COL9A3: variants seen among roughly 807,000 people sequenced by gnomAD.
COL9A3 encodes the protein collagen alpha-3(IX) chain.
COL9A3 carries 82 observed loss-of-function variants against 110.2 expected under a neutral mutation model. The ratio of observed to expected loss-of-function variants is 0.74; its 90% CI spans 0.62 to 0.89. COL9A3 has a LOEUF of 0.89. Among genes scored for constraint, COL9A3 ranks in the 40% least tolerant of loss-of-function variants. COL9A3 has a pLI of 0.00. For missense variants in COL9A3, 1,066 were observed against 981.3 expected, an observed-to-expected ratio of 1.09 and a Z score of -1.15; for synonymous variants, 494 against 403.8, an observed-to-expected ratio of 1.22 and a Z score of -2.68.
intron 2 of COL9A3, chr20:62,817,982 T>A (rs1990991458): frequency 2.5e-6 from 1 of 394,656 alleles, no homozygotes; most frequent in African/African-American, 2.1e-5. Context: ...GGGGGTCTTG[T>A]TGGAGGCTGC....
At position 62,825,805 on chromosome 20, in the gene COL9A3, C is replaced by T. The variant is rs1450589149; in HGVS notation, c.631-12C>T. ...GACTGGGCCGCTGACCACCCTATCC[C>T]CTCTGTTTCAGGGTGACCCTGGCCC... is the stretch of plus-strand genomic sequence containing the variant. On this transcript the variant is annotated splice_polypyrimidine_tract_variant and intron_variant, in intron 12 of 31. Transcript: ENST00000649368. 3 of 1,552,558 alleles carry T rather than the reference C, an allele frequency of 1.9e-6. No individual in the cohort carries two copies. Among genetic ancestry groups the T allele is most frequent in the Admixed American group, 2.0e-5 (1 of 51,232 alleles).
chr20:62,822,950 G>A (rs2063523179), intron 10 of COL9A3, among the ~76,000 whole-genome samples: 1 of 152,250 alleles, frequency 6.6e-6, no homozygotes, highest in South Asian at 2.1e-4. Flanking sequence ...TGCGTCATCC[G>A]CAGAGGGCGC....
chr20:62,829,053 G>A, intron 19 of COL9A3, 77 bp downstream of exon 19: 5 of 1,492,966 alleles, frequency 3.3e-6, no homozygotes, highest in Non-Finnish European at 4.5e-6. Context: ...GGGCTGGGTG[G>A]GTTGGTCACT....
At chr20:62,837,311 C>T (rs768879871) in intron 30 of COL9A3, 46 bp downstream of exon 30, 8 of 1,583,290 alleles carry the variant, frequency 5.1e-6, no homozygotes, top group African/African-American at 1.3e-5. Flanking sequence ...GTAAAAATCC[C>T]TGAGACTGAC....
At chr20:62,824,534 C>G in intron 11 of COL9A3, 33 bp downstream of exon 11, 1 of 1,562,414 alleles carries the variant, frequency 6.4e-7, no homozygotes, top group Non-Finnish European at 8.7e-7. Flanking sequence ...CCAAGCACCA[C>G]CCTGTGCTGG....
chr20:62,821,635 CA>C lies in COL9A3; in HGVS notation c.369+106del, dbSNP rs1193347532. On this transcript the variant is annotated intron_variant, in intron 7 of 31. Transcript: ENST00000649368. ...GCCTGGGGGTGGGGCTTCTCAGGGGCAGCCATCTGACCACCCCATACTTGGA... is the reference window on the plus strand; with the variant it reads ...GCCTGGGGGTGGGGCTTCTCAGGGGCGCCATCTGACCACCCCATACTTGGA... The C allele has an allele frequency of 1.9e-5, 29 of 1,562,168 alleles. No homozygotes were observed. The South Asian group carries it at 2.9e-4, about 16-fold the overall frequency.
At chr20:62,833,814 C>T (rs1382278860) in intron 26 of COL9A3, among the ~76,000 whole-genome samples, 1 of 152,186 alleles carries the variant, frequency 6.6e-6, no homozygotes, top group African/African-American at 2.4e-5. Flanking sequence ...TTTCCTGCCT[C>T]AGCCTCCTGA....
In COL9A3 at chr20:62,819,141, A is replaced by G; in HGVS notation, c.184-81A>G. The G allele has an allele frequency of 8.7e-6, 12 of 1,381,514 alleles. No homozygotes were observed. The South Asian group carries it at 1.4e-4, about 16-fold the overall frequency. 85.6% of individuals were successfully genotyped at this position (1,381,514 alleles called of 1,614,324 possible). Reference sequence around the variant, plus strand: ...GTATGGTTGGGCTGGGGGGAAGTGGAAAGCATTTTGCTTCATTGCTGAAGG... The same window carrying G: ...GTATGGTTGGGCTGGGGGGAAGTGGGAAGCATTTTGCTTCATTGCTGAAGG... On this transcript the variant is annotated intron_variant, in intron 3 of 31. Coordinates refer to ENST00000649368, the MANE Select transcript of COL9A3 (RefSeq NM_001853.4).
intron 30 of COL9A3, among the ~76,000 whole-genome samples, chr20:62,837,676 A>ATG (rs1568766331): frequency 5.3e-5 from 8 of 152,118 alleles, no homozygotes; most frequent in Non-Finnish European, 8.8e-5. Context: ...GCATGGTGGC[A>ATG]CACGCCTGTA....
chr20:62,833,597 G>T (rs1380180014), intron 26 of COL9A3, among the ~76,000 whole-genome samples: 2 of 151,872 alleles, frequency 1.3e-5, no homozygotes, highest in Admixed American at 6.6e-5. Context: ...TAGAGACGGG[G>T]TTTCACCGTG....
rs1158382244 is a variant in COL9A3 at position 62,829,782 on chromosome 20, C to T, written c.1124C>T (p.Pro375Leu). 3.1e-6 allele frequency: 5 copies of T among 1,588,362 alleles called. No homozygotes were observed. The highest frequency in any genetic ancestry group is 1.8e-5 in the Admixed American group (1 of 56,120). ...EPGVPGDAGM[P>L]GERGEAGHRG... ...TCCCTGTAGGGAGATGCTGGCATGC[C>T]TGGGGAGCGCGGTGAGGCTGGCCAC... The change falls in exon 22 of 32, where the codon CCT becomes CTT. Residue 375 changes from proline (P) to leucine (L), a missense_variant. Pro to Leu is a moderately conservative substitution (Grantham distance 98, BLOSUM62 -3). Transcript: ENST00000649368.
chr20:62,832,236 A>G (rs764015804), intron 25 of COL9A3, 47 bp downstream of exon 25: 7 of 1,592,434 alleles, frequency 4.4e-6, no homozygotes, highest in Non-Finnish European at 6.0e-6. Context: ...GCAAAGCTGC[A>G]CAGCTTCTCC....
In COL9A3 at chr20:62,817,686, G is replaced by T. The variant is rs114541642; in HGVS notation, c.147+51G>T. 3.7e-3 allele frequency: 4,639 copies of T among 1,267,196 alleles called. 118 individuals are homozygous for T. The African/African-American group carries it at 0.058, about 16-fold the overall frequency. 78.5% of individuals were successfully genotyped at this position (1,267,196 alleles called of 1,614,324 possible). ...CGAGCGCTCTGGGGTTCTGGCTCTG[G>T]CCCCCACCTCCCTGAGCTCCCCGGC... On this transcript the variant is annotated intron_variant, in intron 2 of 31. Transcript: ENST00000649368.
chr20:62,825,440 G>A (rs1001361312), intron 12 of COL9A3: 2 of 375,440 alleles, frequency 5.3e-6, no homozygotes, highest in African/African-American at 4.1e-5. Flanking sequence ...TCCGTGGAGG[G>A]TGTCTGTCCA....
rs774339334 is a variant in COL9A3, at chr20:62,840,712, T to C, written c.2035T>C (p.Ser679Pro). The C allele has an allele frequency of 5.1e-6, 8 of 1,580,876 alleles. No individual in the cohort carries two copies. The African/African-American group carries it at 1.1e-4, about 21-fold the overall frequency. The change falls in exon 32 of 32, where the codon TCA (serine) becomes CCA (proline). Residue 679 changes from serine to proline, a missense_variant. Transcript: ENST00000649368. ...CGTGTTAGGAGGGGTCGGGGAGAAA[T>C]CAGGCTCTCGAAGCTCATAAAATTC... ...GAVLGGVGEK[S>P]GSRSS
intron 10 of COL9A3, 58 bp from the exon 11 acceptor site, chr20:62,824,387 C>G (rs377565434): frequency 2.5e-5 from 38 of 1,519,950 alleles, no homozygotes; most frequent in Non-Finnish European, 3.3e-5. Flanking sequence ...CTGACCCCTG[C>G]GTCGGACGTC....
In COL9A3 at chr20:62,840,771, GC is replaced by G; in HGVS notation, c.*40del. ...GAAGCAAGTGACAAGGACGCCCGAA[GC>G]ACAGTGGACGGTCATGAAGGAGCGG... On this transcript the variant is annotated 3_prime_UTR_variant, in exon 32 of 32. Coordinates refer to ENST00000649368, the MANE Select transcript of COL9A3 (RefSeq NM_001853.4). The G allele has an allele frequency of 6.5e-7, 1 of 1,550,126 alleles. No homozygotes were observed. Among genetic ancestry groups the G allele is most frequent in the Non-Finnish European group, 8.7e-7 (1 of 1,145,482 alleles).
intron 8 of COL9A3, 144 bp from the exon 9 acceptor site, chr20:62,821,967 C>T: frequency 1.3e-6 from 1 of 763,302 alleles, no homozygotes; most frequent in East Asian, 2.6e-5. Context: ...TGATCCAGAC[C>T]CGACCTCAGG....
Position 62,838,763 on chromosome 20 carries a change from T to G in COL9A3, c.1864+2T>G. On this transcript the variant is annotated splice_donor_variant, in intron 31 of 31. Coordinates refer to ENST00000649368, the MANE Select transcript of COL9A3 (RefSeq NM_001853.4). LOFTEE classifies it high-confidence loss of function. Reference sequence around the variant, plus strand: ...CTGAAGGAGACCAGGGGCCCCAAGGTACGAGTCCACGGCCAGCAAGGCTTC... The same window carrying G: ...CTGAAGGAGACCAGGGGCCCCAAGGGACGAGTCCACGGCCAGCAAGGCTTC... 1 of 1,551,336 alleles carries G rather than the reference T, an allele frequency of 6.4e-7. No homozygotes were observed. Among genetic ancestry groups the G allele is most frequent in the Non-Finnish European group, 8.7e-7 (1 of 1,146,828 alleles).
Sources: allele counts gnomAD v4.1 joint callset (sites outside exome capture counted in the v4.1 genomes callset), GRCh38; gene constraint gnomAD v4.1.1; transcripts MANE v1.5; gene names NCBI Gene and HGNC (gene_info 2026-07-23, HGNC 2026-07-21).